AK6: variants seen among roughly 807,000 people sequenced by gnomAD.
AK6 encodes the protein adenylate kinase isoenzyme 6.
In AK6, 24 loss-of-function variants were observed where a neutral mutation model predicts 23.7. The observed-to-expected ratio is 1.01, with a 90% CI of 0.73 to 1.43. AK6 has a LOEUF of 1.43. AK6 is among the 40% of genes most tolerant of loss of function. The pLI, the probability that AK6 is intolerant of heterozygous loss-of-function variation, is 0.00. For synonymous variants in AK6, 73 were observed against 69.8 expected (o/e 1.05, Z -0.23); for missense variants, 191 against 199.1 (o/e 0.96, Z 0.24).
intron 2 of AK6, among the ~76,000 whole-genome samples, chr5:69,356,860 G>C (rs769656108): frequency 6.6e-6 from 1 of 152,076 alleles, no homozygotes; most frequent in Admixed American, 6.6e-5. Context: ...CAAAAATAAC[G>C]TTCAAAGTTA....
At chr5:69,363,483 G>C (rs753999599) in intron 2 of AK6, among the ~76,000 whole-genome samples, 1 of 152,146 alleles carries the variant, frequency 6.6e-6, no homozygotes, top group African/African-American at 2.4e-5. Context: ...ATTTCATATA[G>C]ATATAAAACA....
intron 2 of AK6, chr5:69,365,232 G>C (rs762833269): frequency 6.2e-7 from 1 of 1,614,074 alleles, no homozygotes; most frequent in Non-Finnish European, 8.5e-7. Context: ...AACAGACATG[G>C]TCTGTGGGGT....
At chr5:69,364,671 C>T in intron 2 of AK6, 1 of 535,778 alleles carries the variant, frequency 1.9e-6, no homozygotes, top group Non-Finnish European at 3.3e-6. Context: ...CTGCAACTGC[C>T]AACTGTTACT....
chr5:69,364,887 A>G (rs1207209892), intron 2 of AK6: 6 of 1,469,180 alleles, frequency 4.1e-6, no homozygotes, highest in Middle Eastern at 2.0e-4. Flanking sequence ...TGCATGTTTA[A>G]TATCAGTACA....
At chr5:69,365,849 T>C (rs114336098) in intron 2 of AK6, 1 of 904,956 alleles carries the variant, frequency 1.1e-6, no homozygotes, top group South Asian at 3.6e-5. Flanking sequence ...TTTAAATCTA[T>C]GTTAAACTGT....
intron 2 of AK6, among the ~76,000 whole-genome samples, chr5:69,359,959 T>A (rs1435025395): frequency 6.6e-6 from 1 of 152,168 alleles, no homozygotes; most frequent in African/African-American, 2.4e-5. Context: ...CAAGGAGTTG[T>A]AAGGAAGATA....
chr5:69,365,842 A>T, intron 2 of AK6: 1 of 1,013,892 alleles, frequency 9.9e-7, no homozygotes, highest in African/African-American at 1.6e-5. Flanking sequence ...AAAAAATTTT[A>T]AATCTATGTT....
intron 2 of AK6, among the ~76,000 whole-genome samples, chr5:69,358,996 T>A (rs1176798156): frequency 2.0e-5 from 3 of 151,864 alleles, no homozygotes. Flanking sequence ...ATCCTAGCAC[T>A]TTCAGAGGCC....
chr5:69,352,265 G>A lies in AK6; in HGVS notation c.327-12C>T. 4 of 1,596,894 alleles carry A rather than the reference G, an allele frequency of 2.5e-6. No homozygotes were observed. The highest frequency in any genetic ancestry group is 1.7e-4 in the Middle Eastern group (1 of 5,992). ...TCTCATTATAACCCCTAGAAGGCAGGGAGGTTAAGCAAACAAGAAGCAAAA... is the reference window on the plus strand; with the variant it reads ...TCTCATTATAACCCCTAGAAGGCAGAGAGGTTAAGCAAACAAGAAGCAAAA... On this transcript the variant is annotated splice_polypyrimidine_tract_variant and intron_variant, in intron 4 of 4. Transcript: ENST00000380822.
At chr5:69,353,303 A>G (rs185115991) in intron 4 of AK6, among the ~76,000 whole-genome samples, 3 of 151,942 alleles carry the variant, frequency 2.0e-5, no homozygotes, top group African/African-American at 7.2e-5. Flanking sequence ...GGTGACAAAA[A>G]TTTTCTTTTT....
At chr5:69,355,621 T>C (rs1762062999) in intron 4 of AK6, 28 bp downstream of exon 4, 1 of 1,564,790 alleles carries the variant, frequency 6.4e-7, no homozygotes, top group Admixed American at 2.0e-5. Flanking sequence ...CATTATGCTT[T>C]AAGAATCTAA....
At chr5:69,362,598 T>C (rs1762270349) in intron 2 of AK6, among the ~76,000 whole-genome samples, 1 of 151,968 alleles carries the variant, frequency 6.6e-6, no homozygotes, top group African/African-American at 2.4e-5. Context: ...GAGACCACCC[T>C]GGGCAACACA....
chr5:69,369,452 C>T lies in AK6; in HGVS notation c.28+11G>A, dbSNP rs757608595. 3 of 1,610,442 alleles carry T rather than the reference C, an allele frequency of 1.9e-6. No homozygotes were observed. The highest frequency in any genetic ancestry group is 2.2e-5 in the East Asian group (1 of 44,758). On this transcript the variant is annotated intron_variant, in intron 1 of 4. Coordinates refer to ENST00000380822, the MANE Select transcript of AK6 (RefSeq NM_016283.5). ...GCCCCAGCCCAGTCCCTCCCGGCCGCGCGCCCTGACCGGTGAGCAGGATGT... is the reference window on the plus strand; with the variant it reads ...GCCCCAGCCCAGTCCCTCCCGGCCGTGCGCCCTGACCGGTGAGCAGGATGT...
intron 2 of AK6, among the ~76,000 whole-genome samples, chr5:69,362,148 TTTC>T (rs1762258365): frequency 1.3e-5 from 2 of 152,124 alleles, no homozygotes; most frequent in South Asian, 4.1e-4. Context: ...ATAAGCCTTA[TTTC>T]TTTACAGCAA....
At position 69,369,518 on chromosome 5, in the gene AK6, C is replaced by G. The variant is rs1303573112; in HGVS notation, c.-28G>C. The G allele has an allele frequency of 6.2e-7, 1 of 1,611,208 alleles. No individual in the cohort carries two copies. Among genetic ancestry groups the G allele is most frequent in the Non-Finnish European group, 8.5e-7 (1 of 1,179,156 alleles). On this transcript the variant is annotated 5_prime_UTR_variant, in exon 1 of 5. Coordinates refer to ENST00000380822, the MANE Select transcript of AK6 (RefSeq NM_016283.5). The stretch of plus-strand genomic sequence containing the variant: ...TCCCCGCCGCGACGGCTTCGGGCGC[C>G]TCGCTCACGTGCCCTTTGCTCTACA...
At chr5:69,369,308 G>A (rs1580334868) in intron 1 of AK6, 155 bp downstream of exon 1, 1 of 438,164 alleles carries the variant, frequency 2.3e-6, no homozygotes, top group Non-Finnish European at 3.1e-6. Flanking sequence ...CAACGCCCGC[G>A]AGGGTCGGCT....
At chr5:69,355,141 T>C (rs1020307316) in intron 4 of AK6, among the ~76,000 whole-genome samples, 5 of 152,116 alleles carry the variant, frequency 3.3e-5, no homozygotes, top group Non-Finnish European at 2.9e-5. Flanking sequence ...CTAAATTGGG[T>C]TTCTACACAG....
intron 2 of AK6, among the ~76,000 whole-genome samples, chr5:69,361,793 A>G (rs1762244547): frequency 6.6e-6 from 1 of 151,592 alleles, no homozygotes; most frequent in African/African-American, 2.4e-5. Context: ...TTTAGTAGAG[A>G]TGGGGTTTCA....
At chr5:69,359,551 A>C (rs547100322) in intron 2 of AK6, among the ~76,000 whole-genome samples, 92 of 152,074 alleles carry the variant, frequency 6.0e-4, no homozygotes, top group African/African-American at 2.1e-3. Flanking sequence ...GGCCCCACAA[A>C]ATTTTTTAAA....
Sources: allele counts gnomAD v4.1 joint callset (sites outside exome capture counted in the v4.1 genomes callset), GRCh38; gene constraint gnomAD v4.1.1; transcripts MANE v1.5; gene names NCBI Gene and HGNC (gene_info 2026-07-23, HGNC 2026-07-21).